FRMPD4: variants seen among roughly 807,000 people sequenced by gnomAD.
The protein encoded by FRMPD4 is FERM and PDZ domain containing 4.
Under a neutral mutation model 94.1 loss-of-function variants are expected in FRMPD4, and 22 were observed. That is an observed-to-expected ratio of 0.23 (90% CI 0.17 to 0.33). The LOEUF (loss-of-function observed/expected upper bound fraction) is 0.33. Ranked by LOEUF, FRMPD4 falls within the 10% of genes least tolerant of loss-of-function variation. The pLI is 1.00. For missense variants in FRMPD4, 1,111 were observed against 1,339.9 expected, an observed-to-expected ratio of 0.83 and a Z score of 2.67; for synonymous variants, 631 against 548.6, an observed-to-expected ratio of 1.15 and a Z score of -2.10.
intron 3 of FRMPD4, among the ~76,000 whole-genome samples, chrX:12,096,773 G>C (rs1218092719): frequency 9.0e-6 from 1 of 111,274 alleles, no homozygotes. Context: ...TATAGTCCTA[G>C]CTGCTCAGGA....
intron 3 of FRMPD4, among the ~76,000 whole-genome samples, chrX:12,018,040 C>T (rs1400845692): frequency 9.1e-6 from 1 of 110,172 alleles, no homozygotes; most frequent in Non-Finnish European, 1.9e-5. Flanking sequence ...ATAATGAGAG[C>T]AATTTTTTAT....
intron 3 of FRMPD4, among the ~76,000 whole-genome samples, chrX:12,089,404 T>C: frequency 8.9e-6 from 1 of 112,271 alleles, no homozygotes; most frequent in Non-Finnish European, 1.9e-5. Context: ...TTGCCCAAAA[T>C]GATTCTATTG....
chrX:12,397,672 G>A (rs1298178805), intron 1 of FRMPD4, among the ~76,000 whole-genome samples: 8 of 111,193 alleles, frequency 7.2e-5, no homozygotes, highest in Admixed American at 3.8e-4. Flanking sequence ...AGACATCAGG[G>A]GCCTCAGCCT....
intron 1 of FRMPD4, among the ~76,000 whole-genome samples, chrX:12,329,038 A>G (rs1048502304): frequency 3.6e-5 from 4 of 112,608 alleles, no homozygotes; most frequent in African/African-American, 9.7e-5. Context: ...ACCCAGAGAT[A>G]CTGAGGAAAT....
At chrX:11,855,181 T>C (rs2053647365) in intron 1 of FRMPD4, among the ~76,000 whole-genome samples, 1 of 112,295 alleles carries the variant, frequency 8.9e-6, no homozygotes, top group African/African-American at 3.2e-5. Flanking sequence ...TAGCCATGGC[T>C]GGAGCTGAAG....
At chrX:12,456,765 A>G (rs903147569) in intron 1 of FRMPD4, among the ~76,000 whole-genome samples, 2 of 113,164 alleles carry the variant, frequency 1.8e-5, no homozygotes, top group Non-Finnish European at 3.7e-5. Flanking sequence ...GATAATAAAA[A>G]AATTAGATAG....
intron 10 of FRMPD4, among the ~76,000 whole-genome samples, chrX:12,702,214 G>A (rs1176659474): frequency 8.9e-6 from 1 of 112,482 alleles, no homozygotes; most frequent in African/African-American, 3.2e-5. Flanking sequence ...TTAAGATGAG[G>A]GACATATTTA....
chrX:11,978,827 C>A lies in FRMPD4; in HGVS notation c.95+100809C>A, dbSNP rs1053424045. Among the ~76,000 whole-genome samples the A allele has an allele frequency of 6.3e-5, 7 of 111,165 alleles. No individual in the cohort carries two copies. In the East Asian group the frequency reaches 1.7e-3, roughly 28 times the overall value. ...TGCTTTTTCAGCGTTTTCAGAAATTCGGTGTGTATAGAACTGGAATGCTCC... is the reference window on the plus strand; with the variant it reads ...TGCTTTTTCAGCGTTTTCAGAAATTAGGTGTGTATAGAACTGGAATGCTCC... On this transcript the variant is annotated intron_variant, in intron 3 of 18. Coordinates refer to the FRMPD4 transcript ENST00000640291.
intron 1 of FRMPD4, among the ~76,000 whole-genome samples, chrX:12,342,415 G>A (rs1466388920): frequency 8.9e-6 from 1 of 111,800 alleles, no homozygotes; most frequent in Non-Finnish European, 1.9e-5. Flanking sequence ...AAGAGGTTAA[G>A]TGACTTTCCC....
intron 1 of FRMPD4, among the ~76,000 whole-genome samples, chrX:12,358,135 C>G (rs1327695047): frequency 8.0e-5 from 9 of 112,187 alleles, no homozygotes; most frequent in Non-Finnish European, 1.7e-4. Flanking sequence ...ATCAGTTCTC[C>G]AGTTTATGAG....
At chrX:12,018,878 A>G (rs185480621) in intron 3 of FRMPD4, among the ~76,000 whole-genome samples, 4 of 112,009 alleles carry the variant, frequency 3.6e-5, no homozygotes, top group Non-Finnish European at 7.5e-5. Flanking sequence ...GGGAGATGCA[A>G]TTCAACTCAT....
intron 1 of FRMPD4, among the ~76,000 whole-genome samples, chrX:12,374,483 C>G (rs2056205954): frequency 8.9e-6 from 1 of 112,131 alleles, no homozygotes; most frequent in South Asian, 3.7e-4. Flanking sequence ...TAGGGTGAGG[C>G]AAGTCAGCTG....
intron 2 of FRMPD4, among the ~76,000 whole-genome samples, chrX:12,514,625 T>C (rs1467061558): frequency 8.9e-6 from 1 of 112,266 alleles, no homozygotes; most frequent in African/African-American, 3.2e-5. Context: ...AGTATTTTAT[T>C]GAGGATTTTT....
At chrX:12,157,477 G>A (rs1225866672) in intron 1 of FRMPD4, among the ~76,000 whole-genome samples, 1 of 111,493 alleles carries the variant, frequency 9.0e-6, no homozygotes, top group Non-Finnish European at 1.9e-5. Flanking sequence ...AGCATTTTAT[G>A]AACTTGAGTT....
chrX:12,072,140 G>A (rs556760948), intron 3 of FRMPD4, among the ~76,000 whole-genome samples: 53 of 111,321 alleles, frequency 4.8e-4, no homozygotes, highest in African/African-American at 1.7e-3. Flanking sequence ...ACAGGCATGT[G>A]CCACCACACC....
At chrX:12,412,442 A>G (rs1056162630) in intron 1 of FRMPD4, among the ~76,000 whole-genome samples, 1 of 112,559 alleles carries the variant, frequency 8.9e-6, no homozygotes, top group Non-Finnish European at 1.9e-5. Context: ...CAGCAGCTTG[A>G]GAAGAGGACA....
chrX:12,476,651 G>A (rs1289957221), intron 1 of FRMPD4, among the ~76,000 whole-genome samples: 3 of 112,090 alleles, frequency 2.7e-5, no homozygotes, highest in East Asian at 2.8e-4. Context: ...AGAAGTGGAC[G>A]ATAGATATGA....
intron 1 of FRMPD4, among the ~76,000 whole-genome samples, chrX:11,847,234 C>T (rs1379113665): frequency 9.0e-6 from 1 of 110,587 alleles, no homozygotes; most frequent in East Asian, 2.8e-4. Context: ...TATGAACAGA[C>T]ACGTCTCAAA....
At chrX:12,502,797 A>G (rs1418647670) in intron 2 of FRMPD4, among the ~76,000 whole-genome samples, 2 of 112,096 alleles carry the variant, frequency 1.8e-5, no homozygotes, top group African/African-American at 6.5e-5. Flanking sequence ...ATAGATATGG[A>G]TATGGGTATA....
Sources: allele counts gnomAD v4.1 joint callset (sites outside exome capture counted in the v4.1 genomes callset), GRCh38; gene constraint gnomAD v4.1.1; transcripts MANE v1.5; gene names NCBI Gene and HGNC (gene_info 2026-07-23, HGNC 2026-07-21).